Variants in MACROD2 observed in about 807,000 individuals in gnomAD.
The protein encoded by MACROD2 is mono-ADP ribosylhydrolase 2, also known as ADP-ribose glycohydrolase MACROD2.
A neutral mutation model predicts 70.4 loss-of-function variants in MACROD2; 36 were observed. That is an observed-to-expected ratio of 0.51 (90% CI 0.39 to 0.68). The LOEUF is 0.68. MACROD2 is among the 30% of genes least tolerant of loss of function. The pLI is 0.00. For synonymous variants in MACROD2, 172 were observed against 178.8 expected, an observed-to-expected ratio of 0.96 and a Z score of 0.30; for missense variants, 496 against 538.4, an observed-to-expected ratio of 0.92 and a Z score of 0.78.
At chr20:14,517,239 G>A (rs925339388) in intron 4 of MACROD2, among the ~76,000 whole-genome samples, 3 of 152,124 alleles carry the variant, frequency 2.0e-5, no homozygotes, top group Non-Finnish European at 2.9e-5. Context: ...ACATGCACAC[G>A]TATGTTTATT....
chr20:15,587,531 A>G (rs1275323091), intron 8 of MACROD2, among the ~76,000 whole-genome samples: 1 of 152,212 alleles, frequency 6.6e-6, no homozygotes, highest in Non-Finnish European at 1.5e-5. Flanking sequence ...CATCTGACGG[A>G]CAAGGCAAGT....
intron 5 of MACROD2, among the ~76,000 whole-genome samples, chr20:15,203,850 C>A (rs1000140971): frequency 1.3e-5 from 2 of 152,042 alleles, no homozygotes; most frequent in African/African-American, 4.8e-5. Context: ...TTAATAATCT[C>A]ACTTCTTCTA....
rs59052053 is a variant in MACROD2 at position 14,071,252 on chromosome 20, G to GTTTTTTTTTTTTTTT, written c.164-14357_164-14343dup. On this transcript the variant is annotated intron_variant, in intron 2 of 17. Coordinates refer to ENST00000684519, the MANE Select transcript of MACROD2 (RefSeq NM_001351661.2). ...GACAGTATTGGCCATTTCATCTTGTGTTTTTTTTTTTTTTTTTTTTTTTTT... is the reference window on the plus strand; with the variant it reads ...GACAGTATTGGCCATTTCATCTTGTGTTTTTTTTTTTTTTTTTTTTTTTTTTTTTTTTTTTTTTTT... 6.3e-4 allele frequency among the ~76,000 whole-genome samples: 40 copies of GTTTTTTTTTTTTTTT among 63,946 alleles called. 6 individuals are homozygous for GTTTTTTTTTTTTTTT. The highest frequency in any genetic ancestry group is 2.0e-3 in the African/African-American group (32 of 15,790). 42.0% of individuals were successfully genotyped at this position (63,946 alleles called of 152,430 possible).
rs1041971381 is a variant in MACROD2, at chr20:14,684,863, G to A, written c.322G>A (p.Ala108Thr). 1.2e-6 allele frequency: 2 copies of A among 1,613,934 alleles called. No homozygotes were observed. The highest frequency in any genetic ancestry group is 2.7e-5 in the African/African-American group (2 of 75,008). ...GGGVDGCIHR[A>T]AGPCLLAECR... ...CTTAGTGGATGGCTGTATTCATAGA[G>A]CAGCCGGCCCCTGTTTGCTAGCTGA... The change falls in exon 5 of 18, where the codon GCA becomes ACA. Residue 108 changes from alanine to threonine, a missense_variant. Physicochemically the swap from Ala to Thr is moderately conservative, Grantham distance 58. Coordinates refer to ENST00000684519, the MANE Select transcript of MACROD2 (RefSeq NM_001351661.2).
intron 3 of MACROD2, among the ~76,000 whole-genome samples, chr20:14,211,001 A>G (rs780276405): frequency 2.0e-5 from 3 of 152,228 alleles, no homozygotes; most frequent in Non-Finnish European, 2.9e-5. Context: ...CAAGTCTACA[A>G]GCATGATACT....
chr20:16,000,882 A>C (rs2066699954), intron 15 of MACROD2, among the ~76,000 whole-genome samples: 1 of 152,220 alleles, frequency 6.6e-6, no homozygotes, highest in Non-Finnish European at 1.5e-5. Context: ...GTCAACCCAA[A>C]ATTTAATTTG....
At chr20:14,482,855 A>T (rs1452779176) in intron 3 of MACROD2, among the ~76,000 whole-genome samples, 1 of 152,168 alleles carries the variant, frequency 6.6e-6, no homozygotes, top group Non-Finnish European at 1.5e-5. Context: ...GGCTTCTCTT[A>T]TGGGAGGTGC....
intron 8 of MACROD2, among the ~76,000 whole-genome samples, chr20:15,688,399 A>G (rs1568975591): frequency 6.6e-6 from 1 of 152,178 alleles, no homozygotes; most frequent in African/African-American, 2.4e-5. Context: ...AGTATTGGAA[A>G]TGGGTCTTGA....
intron 4 of MACROD2, among the ~76,000 whole-genome samples, chr20:14,598,226 T>C (rs1982269435): frequency 6.6e-6 from 1 of 152,196 alleles, no homozygotes; most frequent in South Asian, 2.1e-4. Context: ...TGCTTAGGCA[T>C]GTGCAAGTTT....
intron 8 of MACROD2, among the ~76,000 whole-genome samples, chr20:15,830,098 G>A (rs962182121): frequency 6.6e-6 from 1 of 152,194 alleles, no homozygotes; most frequent in Non-Finnish European, 1.5e-5. Flanking sequence ...TCTCATGAAA[G>A]TGCAAGTGGT....
chr20:15,834,192 T>C (rs1248355967), intron 8 of MACROD2, among the ~76,000 whole-genome samples: 1 of 152,054 alleles, frequency 6.6e-6, no homozygotes, highest in African/African-American at 2.4e-5. Flanking sequence ...CTGCAAAAAT[T>C]AGCTGGGTGT....
At chr20:15,218,455 A>G (rs2076830083) in intron 5 of MACROD2, among the ~76,000 whole-genome samples, 1 of 152,198 alleles carries the variant, frequency 6.6e-6, no homozygotes, top group African/African-American at 2.4e-5. Flanking sequence ...GCAAAGGAGT[A>G]AGCATGAGGA....
At chr20:15,895,594 G>A (rs901082347) in intron 10 of MACROD2, among the ~76,000 whole-genome samples, 1 of 152,226 alleles carries the variant, frequency 6.6e-6, no homozygotes, top group South Asian at 2.1e-4. Flanking sequence ...ATCACTGAAA[G>A]AGACATGGGG....
At chr20:15,853,269 T>C (rs994424424) in intron 8 of MACROD2, among the ~76,000 whole-genome samples, 4 of 152,196 alleles carry the variant, frequency 2.6e-5, no homozygotes, top group African/African-American at 7.2e-5. Context: ...TCAGGCCCTT[T>C]GCTGAGGACT....
chr20:15,283,900 A>G (rs1808887967), intron 6 of MACROD2, among the ~76,000 whole-genome samples: 1 of 152,128 alleles, frequency 6.6e-6, no homozygotes, highest in African/African-American at 2.4e-5. Context: ...AACAATGGTC[A>G]TCTCCTTTCC....
chr20:15,221,338 ACTTC>A, intron 5 of MACROD2, among the ~76,000 whole-genome samples: 1 of 152,244 alleles, frequency 6.6e-6, no homozygotes, highest in East Asian at 1.9e-4. Context: ...CATTTGACTC[ACTTC>A]CTTCTGGGAT....
intron 4 of MACROD2, among the ~76,000 whole-genome samples, chr20:14,537,140 C>A (rs1292810562): frequency 6.6e-6 from 1 of 152,132 alleles, no homozygotes; most frequent in Non-Finnish European, 1.5e-5. Flanking sequence ...GAAAATGTTA[C>A]TTCATTGGTG....
chr20:14,029,575 T>G (rs1285853387), intron 2 of MACROD2, among the ~76,000 whole-genome samples: 1 of 152,132 alleles, frequency 6.6e-6, no homozygotes, highest in Non-Finnish European at 1.5e-5. Context: ...GGAATCTGAT[T>G]TTAGAACAAT....
chr20:15,578,570 G>A (rs1047423541), intron 8 of MACROD2, among the ~76,000 whole-genome samples: 1 of 21,334 alleles, frequency 4.7e-5, no homozygotes, highest in African/African-American at 5.6e-5. Context: ...TATGCACAGA[G>A]AGATTCCATT....
Sources: gnomAD v4.1 joint callset for allele counts (sites outside exome capture counted in the v4.1 genomes callset) on GRCh38, gnomAD v4.1.1 for gene constraint, MANE v1.5 for transcripts, NCBI Gene and HGNC (gene_info 2026-07-23, HGNC 2026-07-21) for gene names.